NDEL1: variants seen among roughly 807,000 people sequenced by gnomAD.
NDEL1 encodes the protein nuclear distribution protein nudE-like 1.
A neutral mutation model predicts 45.7 loss-of-function variants in NDEL1; 9 were observed. The observed-to-expected ratio is 0.20, with a 90% CI of 0.12 to 0.34. NDEL1 has a LOEUF of 0.34. Among genes scored for constraint, NDEL1 ranks in the 10% least tolerant of loss-of-function variants. The pLI is 1.00. For missense variants in NDEL1, 306 were observed against 406.2 expected (o/e 0.75, Z 2.12); for synonymous variants, 133 against 158.6 (o/e 0.84, Z 1.21).
chr17:8,469,016 A>G (rs181773409), downstream of NDEL1, among the ~76,000 whole-genome samples: 2 of 152,346 alleles, frequency 1.3e-5, no homozygotes, highest in East Asian at 3.9e-4. Context: ...GAAAACCCAC[A>G]AAAACCCTGA....
intron 1 of NDEL1, among the ~76,000 whole-genome samples, chr17:8,442,974 T>G (rs1212736005): frequency 6.6e-6 from 1 of 151,534 alleles, no homozygotes; most frequent in Non-Finnish European, 1.5e-5. Flanking sequence ...AGAGATGGGG[T>G]TTCACCGTGT....
At chr17:8,434,363 C>T (rs1265909833), upstream of NDEL1, among the ~76,000 whole-genome samples, 1 of 152,086 alleles carries the variant, frequency 6.6e-6, no homozygotes, top group African/African-American at 2.4e-5. Flanking sequence ...ATTACAGGTG[C>T]CCACCATCAT....
At chr17:8,438,265 A>G (rs1037332642) in intron 1 of NDEL1, among the ~76,000 whole-genome samples, 1 of 152,182 alleles carries the variant, frequency 6.6e-6, no homozygotes, top group South Asian at 2.1e-4. Flanking sequence ...CCAATAATAC[A>G]TAATTATCTA....
At chr17:8,439,735 C>T (rs1402688324) in intron 1 of NDEL1, among the ~76,000 whole-genome samples, 1 of 152,154 alleles carries the variant, frequency 6.6e-6, no homozygotes, top group East Asian at 1.9e-4. Flanking sequence ...TGTGGTCATA[C>T]TTGAAAGGTC....
chr17:8,444,531 G>T, intron 2 of NDEL1, 174 bp downstream of exon 2: 1 of 546,016 alleles, frequency 1.8e-6, no homozygotes. Context: ...GTGTAAACAT[G>T]CCATAAGTCT....
chr17:8,428,301 G>A (rs189298676), intron 1 of NDEL1, among the ~76,000 whole-genome samples: 6 of 148,322 alleles, frequency 4.0e-5, no homozygotes, highest in East Asian at 4.0e-4. Flanking sequence ...ACCACTTCTC[G>A]CCTCAAGGCT....
intron 5 of NDEL1, among the ~76,000 whole-genome samples, chr17:8,449,216 C>T (rs763935688): frequency 6.6e-6 from 1 of 152,192 alleles, no homozygotes; most frequent in Non-Finnish European, 1.5e-5. Context: ...CTCCTGACCT[C>T]GTGATCCGGC....
At position 8,454,861 on chromosome 17, in the gene NDEL1, G is replaced by C; in HGVS notation, c.766G>C (p.Val256Leu). The change falls in exon 7 of 9, where the codon GTG (valine) becomes CTG (leucine). Residue 256 changes from valine to leucine, a missense_variant. Val to Leu is a conservative substitution (Grantham distance 32). Transcript: ENST00000334527. ...PSARISALNI[V>L]GDLLRKVGAL... ...TGCTAGGATATCAGCACTAAACATC[G>C]TGGGGGATCTCTTACGGAAAGTAGG... 1 of 1,613,654 alleles carries C rather than the reference G, an allele frequency of 6.2e-7. No homozygotes were observed. Among genetic ancestry groups the C allele is most frequent in the Non-Finnish European group, 8.5e-7 (1 of 1,179,780 alleles).
upstream of NDEL1, among the ~76,000 whole-genome samples, chr17:8,430,892 C>A (rs527940460): frequency 9.9e-5 from 15 of 152,272 alleles, no homozygotes; most frequent in African/African-American, 3.6e-4. Context: ...ATGCCCAGCC[C>A]CTGGGCCCAT....
intron 1 of NDEL1, among the ~76,000 whole-genome samples, chr17:8,421,951 C>A (rs568435787): frequency 1.3e-5 from 2 of 152,252 alleles, no homozygotes; most frequent in South Asian, 4.2e-4. Flanking sequence ...TCTGGTTCAA[C>A]CTGCTCATTT....
At position 8,465,380 on chromosome 17, in the gene NDEL1, C is replaced by T. The variant is rs1015557310; in HGVS notation, c.945-1550C>T. The T allele has an allele frequency of 2.0e-5, 3 of 152,168 alleles. No individual in the cohort carries two copies. Among genetic ancestry groups the T allele is most frequent in the Non-Finnish European group, 2.9e-5 (2 of 68,034 alleles). The allele number at this position is 152,168 out of a possible 1,614,324, so 9.4% of individuals were successfully genotyped here. A position where few individuals can be genotyped will look rare whatever the true frequency, so the allele number is the denominator to read the frequency against. On this transcript the variant is annotated intron_variant, in intron 8 of 8. Coordinates refer to ENST00000334527, the MANE Select transcript of NDEL1 (RefSeq NM_030808.5). The surrounding 1 kb of genome is among the most constrained non-coding windows in gnomAD (Gnocchi z 4.9). ...AAGAGACAATCTGGCTGTTTGTCGTCGAAGTAGGACAGTGTGCAACAGGGA... is the reference window on the plus strand; with the variant it reads ...AAGAGACAATCTGGCTGTTTGTCGTTGAAGTAGGACAGTGTGCAACAGGGA...
chr17:8,423,274 CCACT>C (rs1908747648), intron 1 of NDEL1, among the ~76,000 whole-genome samples: 2 of 152,156 alleles, frequency 1.3e-5, no homozygotes. Context: ...GGTAATTCTA[CCACT>C]CAAAGTCTCA....
At chr17:8,448,266 T>C (rs903001411) in intron 4 of NDEL1, among the ~76,000 whole-genome samples, 12 of 152,256 alleles carry the variant, frequency 7.9e-5, no homozygotes, top group Non-Finnish European at 1.6e-4. Context: ...TTGATTGTAT[T>C]GTGTTCAAAA....
upstream of NDEL1, chr17:8,435,762 G>A: frequency 2.9e-6 from 1 of 345,308 alleles, no homozygotes; most frequent in Non-Finnish European, 5.7e-6. Flanking sequence ...TCAGCGCGCC[G>A]GGCTCTGGCC....
chr17:8,453,220 C>T (rs908223335), intron 6 of NDEL1, among the ~76,000 whole-genome samples: 1 of 152,084 alleles, frequency 6.6e-6, no homozygotes, highest in African/African-American at 2.4e-5. Context: ...ATTCTGGATG[C>T]TGGGAGCACA....
At chr17:8,472,971 C>T (rs535570148), downstream of NDEL1, among the ~76,000 whole-genome samples, 1 of 152,316 alleles carries the variant, frequency 6.6e-6, no homozygotes, top group South Asian at 2.1e-4. Context: ...CATAAACTGT[C>T]TTCCTTGTGC....
chr17:8,416,937 A>G (rs1254830218), intron 1 of NDEL1, among the ~76,000 whole-genome samples: 1 of 151,936 alleles, frequency 6.6e-6, no homozygotes, highest in Non-Finnish European at 1.5e-5. Flanking sequence ...TTCAACCCTC[A>G]TTGATTTTTA....
intron 1 of NDEL1, among the ~76,000 whole-genome samples, chr17:8,429,855 G>A (rs1908957884): frequency 6.6e-6 from 1 of 152,182 alleles, no homozygotes; most frequent in Admixed American, 6.5e-5. Flanking sequence ...ATGGTTATGT[G>A]TGGACTGCTG....
chr17:8,443,410 A>AG (rs1200903839), intron 1 of NDEL1, among the ~76,000 whole-genome samples: 1 of 152,196 alleles, frequency 6.6e-6, no homozygotes, highest in Non-Finnish European at 1.5e-5. Flanking sequence ...TTTCCTATTT[A>AG]GGGGAGCCAC....
Sources: allele counts gnomAD v4.1 joint callset (sites outside exome capture counted in the v4.1 genomes callset), GRCh38; gene constraint gnomAD v4.1.1; non-coding constraint Gnocchi (gnomAD v3.1); transcripts MANE v1.5; gene names NCBI Gene and HGNC (gene_info 2026-07-23, HGNC 2026-07-21).